The following PKIB variants were observed in gnomAD, a reference collection of about 807,000 sequenced individuals.
PKIB encodes PKI-beta.
Under a neutral mutation model 4.5 loss-of-function variants are expected in PKIB, and 2 were observed. The ratio of observed to expected loss-of-function variants is 0.44; its 90% confidence interval spans 0.18 to 1.39. The LOEUF is 1.39. PKIB is among the 40% of genes most tolerant of loss of function. The probability of loss-of-function intolerance (pLI) is 0.27; values close to 1 mark genes in which losing one functional copy is unlikely to be tolerated. For synonymous variants in PKIB, 38 were observed against 36.0 expected (o/e 1.06, Z -0.20); for missense variants, 94 against 92.6 (o/e 1.02, Z -0.06).
At chr6:122,662,975 T>C (rs545156093) in intron 2 of PKIB, among the ~76,000 whole-genome samples, 46 of 152,326 alleles carry the variant, frequency 3.0e-4, no homozygotes, top group Non-Finnish European at 1.0e-4. Context: ...GTTGTTTCCC[T>C]TATCCTGATT....
intron 3 of PKIB, among the ~76,000 whole-genome samples, chr6:122,677,213 C>A (rs1332789106): frequency 6.6e-6 from 1 of 152,174 alleles, no homozygotes; most frequent in African/African-American, 2.4e-5. Flanking sequence ...ATCCCCAAAT[C>A]AAAATCGAAG....
intron 3 of PKIB, among the ~76,000 whole-genome samples, chr6:122,684,274 T>C (rs1778012156): frequency 1.3e-5 from 2 of 152,202 alleles, no homozygotes; most frequent in Admixed American, 1.3e-4. Context: ...TGTACAACAT[T>C]GTACCTTAGT....
chr6:122,699,034 A>G (rs988748253), intron 3 of PKIB, among the ~76,000 whole-genome samples: 2 of 152,140 alleles, frequency 1.3e-5, no homozygotes, highest in East Asian at 3.9e-4. Flanking sequence ...TTCCTGGAGA[A>G]GGATGTCATC....
intron 4 of PKIB, among the ~76,000 whole-genome samples, chr6:122,724,760 T>C (rs763886193): frequency 2.0e-5 from 3 of 152,248 alleles, no homozygotes; most frequent in Non-Finnish European, 2.9e-5. Flanking sequence ...GCATAGGGAA[T>C]TGGCTAAGGA....
At chr6:122,680,329 C>T (rs560388803) in intron 3 of PKIB, among the ~76,000 whole-genome samples, 6 of 152,258 alleles carry the variant, frequency 3.9e-5, no homozygotes, top group African/African-American at 1.4e-4. Flanking sequence ...CTGGGGAAAC[C>T]CAGCAAGGTC....
intron 1 of PKIB, among the ~76,000 whole-genome samples, chr6:122,477,343 A>G (rs1380651868): frequency 6.6e-6 from 1 of 152,220 alleles, no homozygotes; most frequent in Non-Finnish European, 1.5e-5. Context: ...TTATTTAGAT[A>G]TTTCAGATAA....
intron 1 of PKIB, among the ~76,000 whole-genome samples, chr6:122,617,795 G>T (rs1046163923): frequency 6.6e-6 from 1 of 151,974 alleles, no homozygotes; most frequent in African/African-American, 2.4e-5. Context: ...CTGTTAAAAA[G>T]ATTTACTTTA....
At chr6:122,524,216 T>TC (rs1330117209) in intron 2 of PKIB, among the ~76,000 whole-genome samples, 1 of 143,846 alleles carries the variant, frequency 7.0e-6, no homozygotes, top group Admixed American at 7.0e-5. Flanking sequence ...TTCCTCCTCC[T>TC]CCCCCTCCTC....
chr6:122,562,004 G>GTT (rs758656278), intron 2 of PKIB, among the ~76,000 whole-genome samples: 15 of 79,504 alleles, frequency 1.9e-4, no homozygotes, highest in East Asian at 9.5e-4. Context: ...GTTTTTTTTT[G>GTT]TTTTTTTTTT....
At chr6:122,653,166 T>G (rs1055792532) in intron 2 of PKIB, among the ~76,000 whole-genome samples, 7 of 152,302 alleles carry the variant, frequency 4.6e-5, no homozygotes, top group African/African-American at 1.7e-4. Context: ...GCTTTCTCAG[T>G]CTATTACTTA....
At chr6:122,675,705 T>G (rs1277127327) in intron 3 of PKIB, among the ~76,000 whole-genome samples, 1 of 152,152 alleles carries the variant, frequency 6.6e-6, no homozygotes, top group Non-Finnish European at 1.5e-5. Flanking sequence ...TCTAGGAGAC[T>G]TTTTCTATTT....
intron 2 of PKIB, chr6:122,483,892 A>G (rs1459620618): frequency 6.6e-6 from 1 of 152,180 alleles, no homozygotes; most frequent in Non-Finnish European, 1.5e-5. Context: ...CTTTTCTTGT[A>G]TCTTTTTCTT....
At chr6:122,586,905 C>T (rs879368461) in intron 3 of PKIB, among the ~76,000 whole-genome samples, 1 of 152,154 alleles carries the variant, frequency 6.6e-6, no homozygotes, top group Admixed American at 6.6e-5. Context: ...ACAAATTTCC[C>T]TCTGCCTCCA....
chr6:122,607,551 G>A (rs777445717), upstream of PKIB, among the ~76,000 whole-genome samples: 1 of 151,972 alleles, frequency 6.6e-6, no homozygotes, highest in Non-Finnish European at 1.5e-5. Context: ...CTGCTCAACT[G>A]AACAGGTCAT....
intron 2 of PKIB, among the ~76,000 whole-genome samples, chr6:122,673,109 C>T (rs1290295082): frequency 6.6e-6 from 1 of 151,834 alleles, no homozygotes; most frequent in African/African-American, 2.4e-5. Flanking sequence ...AAAAACATAA[C>T]TATTTCACTC....
intron 1 of PKIB, among the ~76,000 whole-genome samples, chr6:122,613,882 G>A (rs1774871092): frequency 1.4e-5 from 2 of 143,502 alleles, no homozygotes; most frequent in African/African-American, 5.1e-5. Flanking sequence ...AGTATCGCTT[G>A]AACCCAGGAG....
chr6:122,706,902 T>C (rs6569271), intron 3 of PKIB, among the ~76,000 whole-genome samples: 150,358 of 152,148 alleles, frequency 0.99, 74,317 homozygotes, highest in South Asian at 1. Flanking sequence ...AATGTTTTTC[T>C]GTGAATGTAT....
At chr6:122,490,373 G>A (rs1775904640) in intron 2 of PKIB, among the ~76,000 whole-genome samples, 1 of 152,154 alleles carries the variant, frequency 6.6e-6, no homozygotes, top group Non-Finnish European at 1.5e-5. Flanking sequence ...CAACTGGCAG[G>A]GAGGGAAAGA....
intron 3 of PKIB, among the ~76,000 whole-genome samples, chr6:122,690,064 G>A (rs550700613): frequency 1.1e-4 from 16 of 151,882 alleles, no homozygotes; most frequent in African/African-American, 3.6e-4. Flanking sequence ...TATAAGTATA[G>A]TTACTCCTGC....
Sources: gnomAD v4.1 joint callset for allele counts (sites outside exome capture counted in the v4.1 genomes callset) on GRCh38, gnomAD v4.1.1 for gene constraint, MANE v1.5 for transcripts, NCBI Gene and HGNC (gene_info 2026-07-23, HGNC 2026-07-21) for gene names.